Variants in COL4A2 observed in about 807,000 individuals in gnomAD.
COL4A2 encodes the protein collagen type IV alpha 2 chain.
In COL4A2, 99 loss-of-function variants were observed where a neutral mutation model predicts 200.2. That is an observed-to-expected ratio of 0.49 (90% CI 0.42 to 0.58). The LOEUF is 0.58. COL4A2 is among the 20% of genes least tolerant of loss of function. COL4A2 has a pLI of 0.00. For missense variants in COL4A2, 1,950 were observed against 2,314.1 expected, an observed-to-expected ratio of 0.84 and a Z score of 3.23; for synonymous variants, 897 against 900.6, an observed-to-expected ratio of 1.00 and a Z score of 0.07.
chr13:110,445,706 C>A, intron 16 of COL4A2, 123 bp from the exon 17 acceptor site: 1 of 1,267,230 alleles, frequency 7.9e-7, no homozygotes, highest in Non-Finnish European at 1.1e-6. Flanking sequence ...TGAGCACAGA[C>A]TGGGTTAATA....
chr13:110,309,012 G>T (rs548714896), intron 3 of COL4A2, among the ~76,000 whole-genome samples: 6 of 152,172 alleles, frequency 3.9e-5, no homozygotes, highest in African/African-American at 7.2e-5. Context: ...TGTGGCAGCC[G>T]GGGCCCAGGT....
chr13:110,394,842 C>T (rs1879130588), intron 4 of COL4A2, among the ~76,000 whole-genome samples: 1 of 152,210 alleles, frequency 6.6e-6, no homozygotes, highest in Non-Finnish European at 1.5e-5. Flanking sequence ...GATCCCCTGG[C>T]CACTCCCTAA....
At chr13:110,410,214 C>G (rs779742911) in intron 4 of COL4A2, among the ~76,000 whole-genome samples, 2 of 152,248 alleles carry the variant, frequency 1.3e-5, no homozygotes, top group African/African-American at 2.4e-5. Context: ...AGCCAGGCTG[C>G]TCAGCCACTC....
intron 19 of COL4A2, 49 bp downstream of exon 19, chr13:110,449,838 T>A (rs1367478177): frequency 6.6e-7 from 1 of 1,515,676 alleles, no homozygotes; most frequent in East Asian, 2.5e-5. Context: ...GCACCTGCAC[T>A]CAGGTCCTAG....
rs750277078 is a variant in COL4A2, at chr13:110,508,059, G to C, written c.4719G>C (p.Leu1573=). The change falls in exon 47 of 48, where the codon CTG becomes CTC. Residue 1573 remains leucine (L), a synonymous_variant. Coordinates refer to ENST00000360467, the MANE Select transcript of COL4A2 (RefSeq NM_001846.4). This position sits in a 1 kb window ranked among gnomAD's most constrained non-coding sequence, Gnocchi z 6.1. ...ACTGGCTCTCTACCACTGCGCCGCT[G>C]CCCATGATGCCCGTGGCCGAGGACG... is the stretch of plus-strand genomic sequence containing the variant. ...KSYWLSTTAP[L]PMMPVAEDEI... 3 of 1,614,226 alleles carry C rather than the reference G, an allele frequency of 1.9e-6. No homozygotes were observed. In the South Asian group the frequency reaches 3.3e-5, roughly 18 times the overall value.
chr13:110,370,250 T>TTTTTGTTTTG (rs537569445), intron 4 of COL4A2, among the ~76,000 whole-genome samples: 2 of 151,688 alleles, frequency 1.3e-5, no homozygotes, highest in Non-Finnish European at 2.9e-5. Context: ...TTTGACAAGT[T>TTTTTGTTTTG]TTTTGTTTTG....
intron 3 of COL4A2, among the ~76,000 whole-genome samples, chr13:110,342,250 C>A (rs1400213304): frequency 1.3e-5 from 2 of 152,240 alleles, no homozygotes; most frequent in East Asian, 3.8e-4. Flanking sequence ...TGAAATCTTA[C>A]TTCAGAGAAA....
intron 3 of COL4A2, among the ~76,000 whole-genome samples, chr13:110,332,734 C>T (rs1875984471): frequency 1.3e-5 from 2 of 152,230 alleles, no homozygotes; most frequent in African/African-American, 2.4e-5. Flanking sequence ...TCCTTAAAAA[C>T]TCTGTGTTGA....
rs1237060538 is a variant in COL4A2, at chr13:110,355,650, G to C, written c.100-1822G>C. 2.7e-5 allele frequency among the ~76,000 whole-genome samples: 2 copies of C among 72,898 alleles called. 1 individual carries two copies. 47.8% of individuals were successfully genotyped at this position (72,898 alleles called of 152,430 possible). A position where few individuals can be genotyped will look rare whatever the true frequency, so the allele number is the denominator to read the frequency against. On this transcript the variant is annotated intron_variant, in intron 3 of 47. Coordinates refer to ENST00000360467, the MANE Select transcript of COL4A2 (RefSeq NM_001846.4). ...GCACTAGCTCACCTGTGTGTGTGGGGGAGGGCTGCAGTAGCTCACCTGTGT... is the reference window on the plus strand; with the variant it reads ...GCACTAGCTCACCTGTGTGTGTGGGCGAGGGCTGCAGTAGCTCACCTGTGT...
chr13:110,333,953 C>T (rs528562216), intron 3 of COL4A2, among the ~76,000 whole-genome samples: 93 of 152,256 alleles, frequency 6.1e-4, no homozygotes, highest in African/African-American at 1.9e-3. Flanking sequence ...ACAAAGAAAC[C>T]GAGTCTAGAA....
At chr13:110,385,873 G>A (rs61963196) in intron 4 of COL4A2, among the ~76,000 whole-genome samples, 1,195 of 23,248 alleles carry the variant, frequency 0.051, 509 homozygotes, top group East Asian at 0.13. Flanking sequence ...GCGTGTGGAT[G>A]GGCCGTGGTT....
intron 4 of COL4A2, among the ~76,000 whole-genome samples, chr13:110,414,637 A>G (rs1272069631): frequency 6.6e-6 from 1 of 152,236 alleles, no homozygotes; most frequent in Admixed American, 6.5e-5. Context: ...TTCCAAGTCC[A>G]ACATCTTATG....
At position 110,482,511 on chromosome 13, in the gene COL4A2, T is replaced by C. The variant is rs3803228; in HGVS notation, c.2759-5T>C. ...AACCCAGCACTTTTCTCTTTTCCTC[T>C]GAAGGAGATAGAGGCTCACCTGGGA... On this transcript the variant is annotated splice_region_variant and splice_polypyrimidine_tract_variant and intron_variant, in intron 31 of 47. Coordinates refer to ENST00000360467, the MANE Select transcript of COL4A2 (RefSeq NM_001846.4). The C allele has an allele frequency of 0.18, 291,191 of 1,612,576 alleles. 27,049 individuals carry two copies. Among genetic ancestry groups the C allele is most frequent in the African/African-American group, 0.23 (17,557 of 74,946 alleles).
chr13:110,346,693 G>A (rs1046215112), intron 3 of COL4A2, among the ~76,000 whole-genome samples: 1 of 152,176 alleles, frequency 6.6e-6, no homozygotes. Context: ...TCGCTGTCCT[G>A]CCTGCCTGAC....
Position 110,501,724 on chromosome 13 carries a change from C to A in COL4A2, c.3817C>A (p.Pro1273Thr). The A allele has an allele frequency of 2.5e-6, 4 of 1,613,810 alleles. No individual in the cohort carries two copies. In the South Asian group the frequency reaches 4.4e-5, roughly 18 times the overall value. The change falls in exon 41 of 48, where the codon CCT (proline) becomes ACT (threonine). Residue 1273 changes from proline to threonine, a missense_variant. Pro to Thr is a conservative substitution (Grantham distance 38, BLOSUM62 -1). Coordinates refer to ENST00000360467, the MANE Select transcript of COL4A2 (RefSeq NM_001846.4). ...GLQGFPGITP[P>T]SNISGAPGDK... Reference sequence around the variant, plus strand: ...TCAGGGGTTCCCTGGTATCACACCCCCTTCCAACATCTCTGGGGCACCTGG... The same window carrying A: ...TCAGGGGTTCCCTGGTATCACACCCACTTCCAACATCTCTGGGGCACCTGG...
chr13:110,430,901 A>G, intron 10 of COL4A2: 1 of 611,216 alleles, frequency 1.6e-6, no homozygotes, highest in Non-Finnish European at 3.1e-6. Context: ...ACCCAGTGAC[A>G]GACAGCCCAT....
In COL4A2 at chr13:110,434,973, G is replaced by A. The variant is rs117484695; in HGVS notation, c.726+531G>A. On this transcript the variant is annotated intron_variant, in intron 12 of 47. Transcript: ENST00000360467. ...ACGTGCATGACAGGCTTAACGCAGC[G>A]CCACACCCCGCAAGCAAAACCTCAC... 3.2e-4 allele frequency among the ~76,000 whole-genome samples: 49 copies of A among 152,294 alleles called. 1 individual carries two copies. The East Asian group carries it at 8.5e-3, about 26-fold the overall frequency.
intron 20 of COL4A2, among the ~76,000 whole-genome samples, chr13:110,455,365 A>T (rs1396098866): frequency 6.6e-6 from 1 of 151,936 alleles, no homozygotes. Context: ...CCCGCTCCCC[A>T]CTTCAGGGGC....
chr13:110,487,911 T>C (rs1194941533), intron 34 of COL4A2, among the ~76,000 whole-genome samples: 1 of 152,206 alleles, frequency 6.6e-6, no homozygotes, highest in Non-Finnish European at 1.5e-5. Context: ...GACATTACTG[T>C]ATTTAAGTTT....
Sources: allele counts gnomAD v4.1 joint callset (sites outside exome capture counted in the v4.1 genomes callset), GRCh38; gene constraint gnomAD v4.1.1; non-coding constraint Gnocchi (gnomAD v3.1); transcripts MANE v1.5; gene names NCBI Gene and HGNC (gene_info 2026-07-23, HGNC 2026-07-21).